Variants in CDK2 observed in about 807,000 individuals in gnomAD.
CDK2 encodes cyclin-dependent kinase 2.
In CDK2, 8 loss-of-function variants were observed where a neutral mutation model predicts 35.0. The observed-to-expected ratio is 0.23, with a 90% CI of 0.13 to 0.41. The LOEUF (loss-of-function observed/expected upper bound fraction) is 0.41. CDK2 is among the 10% of genes least tolerant of loss of function. The pLI, the probability that CDK2 is intolerant of heterozygous loss-of-function variation, is 1.00. For missense variants in CDK2, 201 were observed against 367.1 expected, an observed-to-expected ratio of 0.55 and a Z score of 3.70; for synonymous variants, 134 against 137.7, an observed-to-expected ratio of 0.97 and a Z score of 0.19.
intron 1 of CDK2, 21 bp downstream of exon 1, chr12:55,967,145 G>A (rs1373751968): frequency 1.3e-6 from 2 of 1,564,718 alleles, no homozygotes; most frequent in Non-Finnish European, 1.8e-6. Context: ...TCTGTACCCG[G>A]GACTCCTAAC....
chr12:55,971,810 A>G lies in CDK2; in HGVS notation c.*185A>G. The G allele has an allele frequency of 1.8e-6, 1 of 568,778 alleles. No homozygotes were observed. Among genetic ancestry groups the G allele is most frequent in the Non-Finnish European group, 3.1e-6 (1 of 320,402 alleles). The allele number at this position is 568,778 out of a possible 1,614,324, so 35.2% of individuals were successfully genotyped here. ...AAAGGGGGGAACCAGTGAAAATGAA[A>G]GGAAGTTTCAGTATTAGATGCACTT... On this transcript the variant is annotated 3_prime_UTR_variant, in exon 7 of 7. Coordinates refer to ENST00000266970, the MANE Select transcript of CDK2 (RefSeq NM_001798.5).
At chr12:55,970,859 G>T (rs761930361) in intron 5 of CDK2, 185 bp from the exon 6 acceptor site, 7 of 705,764 alleles carry the variant, frequency 9.9e-6, no homozygotes, top group African/African-American at 1.7e-5. Flanking sequence ...GAAGGAGGGG[G>T]CGAGGAGACA....
Position 55,967,046 on chromosome 12 carries a change from G to A in CDK2, c.38G>A (p.Gly13Asp), listed in dbSNP as rs1399364791. The change falls in exon 1 of 7, where the codon GGC becomes GAC. Residue 13 changes from glycine (G) to aspartate (D), a missense_variant. Transcript: ENST00000266970. ...CAAAAGGTGGAAAAGATCGGAGAGG[G>A]CACGTACGGAGTTGTGTACAAAGCC... ...NFQKVEKIGE[G>D]TYGVVYKARN... The A allele has an allele frequency of 1.2e-6, 2 of 1,613,914 alleles. No homozygotes were observed. The highest frequency in any genetic ancestry group is 1.3e-5 in the African/African-American group (1 of 75,070).
At chr12:55,967,596 C>T (rs1889361440) in intron 1 of CDK2, 1 of 521,538 alleles carries the variant, frequency 1.9e-6, no homozygotes, top group African/African-American at 1.9e-5. Context: ...ATTTTTTCCC[C>T]TCCATTACAG....
At position 55,970,804 on chromosome 12, in the gene CDK2, G is replaced by C. The variant is rs1832221005; in HGVS notation, c.589-240G>C. On this transcript the variant is annotated intron_variant, in intron 5 of 6. Transcript: ENST00000266970. ...CACCCCAGACATTCACCCCCTCCCA[G>C]ACCCACCCAGCCTTGGGGATCTGCA... 7.2e-6 allele frequency: 5 copies of C among 696,594 alleles called. No individual in the cohort carries two copies. In the African/African-American group the frequency reaches 8.8e-5, roughly 12 times the overall value. The allele number at this position is 696,594 out of a possible 1,614,324, so 43.2% of individuals were successfully genotyped here.
intron 1 of CDK2, 57 bp downstream of exon 1, chr12:55,967,181 C>A: frequency 7.6e-7 from 1 of 1,313,608 alleles, no homozygotes; most frequent in Non-Finnish European, 1.1e-6. Context: ...TTGTCCCCCC[C>A]AACCCCCCAC....
rs967650927 is a variant in CDK2 at position 55,971,694 on chromosome 12, T to C, written c.*69T>C. 9 of 1,173,470 alleles carry C rather than the reference T, an allele frequency of 7.7e-6. No homozygotes were observed. In the African/African-American group the frequency reaches 1.4e-4, roughly 18 times the overall value. The allele number at this position is 1,173,470 out of a possible 1,614,324, so 72.7% of individuals were successfully genotyped here. On this transcript the variant is annotated 3_prime_UTR_variant, in exon 7 of 7. Coordinates refer to ENST00000266970, the MANE Select transcript of CDK2 (RefSeq NM_001798.5). ...AGTGTGGGCTTGACCAGGCTTGGCC[T>C]TGGGCTATTTGGACTCAGGTGGGCC...
rs1889406329 is a variant in CDK2, at chr12:55,968,900, T to C, written c.438T>C (p.Phe146=). The change falls in exon 4 of 7, where the codon TTT becomes TTC. Residue 146 remains phenylalanine (F), a synonymous_variant. Transcript: ENST00000266970. The part of the protein sequence containing the change: ...NTEGAIKLAD[F]GLARAFGVPV... ...AGGGGGCCATCAAGCTAGCAGACTT[T>C]GGACTAGCCAGAGCTTTTGGAGTCC... 6.2e-7 allele frequency: 1 copy of C among 1,610,136 alleles called. No individual in the cohort carries two copies. Among genetic ancestry groups the C allele is most frequent in the Non-Finnish European group, 8.5e-7 (1 of 1,178,346 alleles).
Position 55,967,053 on chromosome 12 carries a change from C to G in CDK2, c.45C>G (p.Tyr15Ter), listed in dbSNP as rs1325452522. 6.2e-7 allele frequency: 1 copy of G among 1,613,948 alleles called. No individual in the cohort carries two copies. The highest frequency in any genetic ancestry group is 1.7e-5 in the Admixed American group (1 of 59,982). Residue 15 changes from tyrosine to a stop codon, truncating the protein, a stop_gained, in exon 1 of 7, where the codon TAC (tyrosine) becomes TAG (stop). Transcript: ENST00000266970. LOFTEE classifies it high-confidence loss of function. ...QKVEKIGEGT[Y>*]GVVYKARNKL... ...TGGAAAAGATCGGAGAGGGCACGTA[C>G]GGAGTTGTGTACAAAGCCAGAAACA...
rs536444370 is a variant in CDK2, at chr12:55,972,502, T to G, written c.*877T>G. On this transcript the variant is annotated 3_prime_UTR_variant, in exon 7 of 7. Transcript: ENST00000266970. The stretch of plus-strand genomic sequence containing the variant: ...ACACTTTTTCAGGGCTGTGATTGAG[T>G]GAGGGCATGGGTAAAAATATTTCTT... 1 of 152,040 alleles carries G rather than the reference T, an allele frequency of 6.6e-6. No homozygotes were observed. The highest frequency in any genetic ancestry group is 2.4e-5 in the African/African-American group (1 of 41,432). 9.4% of individuals were successfully genotyped at this position (152,040 alleles called of 1,614,324 possible).
intron 5 of CDK2, among the ~76,000 whole-genome samples, chr12:55,970,155 G>A (rs1257220056): frequency 2.6e-5 from 4 of 151,652 alleles, no homozygotes; most frequent in Non-Finnish European, 5.9e-5. Context: ...GGCTACTTGG[G>A]ATTACACACC....
rs923155837 is a variant in CDK2, at chr12:55,971,788, G to A, written c.*163G>A. On this transcript the variant is annotated 3_prime_UTR_variant, in exon 7 of 7. Coordinates refer to ENST00000266970, the MANE Select transcript of CDK2 (RefSeq NM_001798.5). ...CAACTCTGGGAATACAGGGGTGAAA[G>A]GGGGGAACCAGTGAAAATGAAAGGA... 4.2e-4 allele frequency: 242 copies of A among 583,028 alleles called. No individual in the cohort carries two copies. The highest frequency in any genetic ancestry group is 1.2e-3 in the Middle Eastern group (4 of 3,286). 36.1% of individuals were successfully genotyped at this position (583,028 alleles called of 1,614,324 possible).
At chr12:55,968,627 C>G in intron 3 of CDK2, 151 bp from the exon 4 acceptor site, 1 of 602,442 alleles carries the variant, frequency 1.7e-6, no homozygotes, top group Non-Finnish European at 2.8e-6. Flanking sequence ...CTTATCCTCT[C>G]TGGGCTGACA....
In CDK2 at chr12:55,969,532, A is replaced by G. The variant is rs775483581; in HGVS notation, c.544A>G (p.Thr182Ala). ...CCTCCTGGGCTGCAAATATTATTCC[A>G]CAGCTGTGGACATCTGGAGCCTGGG... ...EILLGCKYYS[T>A]AVDIWSLGCI... The change falls in exon 5 of 7, where the codon ACA becomes GCA. Residue 182 changes from threonine (T) to alanine (A), a missense_variant. Physicochemically the swap from Thr to Ala is moderately conservative, Grantham distance 58. Coordinates refer to ENST00000266970, the MANE Select transcript of CDK2 (RefSeq NM_001798.5). 1 of 1,609,860 alleles carries G rather than the reference A, an allele frequency of 6.2e-7. No homozygotes were observed. The highest frequency in any genetic ancestry group is 8.5e-7 in the Non-Finnish European group (1 of 1,178,074).
chr12:55,971,558 C>T lies in CDK2; in HGVS notation c.830C>T (p.Ala277Val). 1 of 1,614,124 alleles carries T rather than the reference C, an allele frequency of 6.2e-7. No individual in the cohort carries two copies. The highest frequency in any genetic ancestry group is 8.5e-7 in the Non-Finnish European group (1 of 1,179,970). Reference sequence around the variant, plus strand: ...TACGACCCTAACAAGCGGATTTCGGCCAAGGCAGCCCTGGCTCACCCTTTC... The same window carrying T: ...TACGACCCTAACAAGCGGATTTCGGTCAAGGCAGCCCTGGCTCACCCTTTC... Reference protein sequence around the residue: ...LHYDPNKRISAKAALAHPFFQ... With the variant: ...LHYDPNKRISVKAALAHPFFQ... The change falls in exon 7 of 7, where the codon GCC becomes GTC. Residue 277 changes from alanine (A) to valine (V), a missense_variant. Transcript: ENST00000266970.
At chr12:55,970,559 C>G in intron 5 of CDK2, 1 of 698,128 alleles carries the variant, frequency 1.4e-6, no homozygotes, top group East Asian at 2.7e-5. Flanking sequence ...TACAATTGTC[C>G]GTATTCCTCT....
At position 55,971,109 on chromosome 12, in the gene CDK2, T is replaced by G; in HGVS notation, c.654T>G (p.Thr218=). The change falls in exon 6 of 7, where the codon ACT becomes ACG. Residue 218 remains threonine (T), a synonymous_variant. Coordinates refer to ENST00000266970, the MANE Select transcript of CDK2 (RefSeq NM_001798.5). ...ACCAGCTCTTCCGGATCTTTCGGAC[T>G]CTGGGGACCCCAGATGAGGTGGTGT... ...EIDQLFRIFR[T]LGTPDEVVWP... 6.2e-7 allele frequency: 1 copy of G among 1,614,174 alleles called. No homozygotes were observed. The highest frequency in any genetic ancestry group is 8.5e-7 in the Non-Finnish European group (1 of 1,180,030).
At position 55,971,150 on chromosome 12, in the gene CDK2, C is replaced by G. The variant is rs754920773; in HGVS notation, c.695C>G (p.Ser232Cys). ...GAGGTGGTGTGGCCAGGAGTTACTT[C>G]TATGCCTGATTACAAGCCAAGTTTC... ...PDEVVWPGVT[S>C]MPDYKPSFPK... Residue 232 changes from serine to cysteine, a missense_variant, in exon 6 of 7, where the codon TCT (serine) becomes TGT (cysteine). This residue lies in a region of CDK2 where 106 missense variants were observed against 141.3 expected (regional missense o/e 0.75). Transcript: ENST00000266970. 1.2e-6 allele frequency: 2 copies of G among 1,614,090 alleles called. No homozygotes were observed. Among genetic ancestry groups the G allele is most frequent in the Non-Finnish European group, 1.7e-6 (2 of 1,179,990 alleles).
At chr12:55,969,208 C>T (rs573071701) in intron 4 of CDK2, among the ~76,000 whole-genome samples, 2 of 151,790 alleles carry the variant, frequency 1.3e-5, no homozygotes, top group East Asian at 1.9e-4. Context: ...GGCAACATAG[C>T]GAGACCCCAT....
Sources: gnomAD v4.1 joint callset for allele counts (sites outside exome capture counted in the v4.1 genomes callset) on GRCh38, gnomAD v4.1.1 for gene constraint, gnomAD v4.1.1 regional missense constraint, MANE v1.5 for transcripts, NCBI Gene and HGNC (gene_info 2026-07-23, HGNC 2026-07-21) for gene names.